The following C1orf21 variants were observed in gnomAD, a reference collection of about 807,000 sequenced individuals.
The protein encoded by C1orf21 is chromosome 1 open reading frame 21, also known as uncharacterized protein C1orf21.
C1orf21 carries 3 observed loss-of-function variants against 18.7 expected under a neutral mutation model. That is an observed-to-expected ratio of 0.16 (90% CI 0.07 to 0.42). C1orf21 has a LOEUF of 0.42. Ranked by LOEUF, C1orf21 falls within the 10% of genes least tolerant of loss-of-function variation. C1orf21 has a pLI of 0.99. For missense variants in C1orf21, 104 were observed against 143.6 expected, an observed-to-expected ratio of 0.72 and a Z score of 1.41; for synonymous variants, 41 against 46.4, an observed-to-expected ratio of 0.88 and a Z score of 0.47.
chr1:184,495,221 G>A (rs375639173), intron 2 of C1orf21, among the ~76,000 whole-genome samples: 17 of 151,986 alleles, frequency 1.1e-4, no homozygotes, highest in East Asian at 9.7e-4. Flanking sequence ...CCTTCCCCCC[G>A]CAACATAGAC....
chr1:184,536,637 G>A (rs1320312841), intron 3 of C1orf21, among the ~76,000 whole-genome samples: 2 of 152,186 alleles, frequency 1.3e-5, no homozygotes, highest in African/African-American at 4.8e-5. Context: ...GCCTGCCATA[G>A]CATGTGAGGT....
intron 1 of C1orf21, among the ~76,000 whole-genome samples, chr1:184,431,777 AAAAC>A (rs1209143896): frequency 2.0e-5 from 3 of 152,198 alleles, no homozygotes; most frequent in East Asian, 1.9e-4. Context: ...TTACAAGAAA[AAAAC>A]AAACAACCTC....
rs933760564 is a variant in C1orf21, at chr1:184,621,310, A to G, written c.*1754A>G. On this transcript the variant is annotated 3_prime_UTR_variant, in exon 6 of 6. Coordinates refer to ENST00000235307, the MANE Select transcript of C1orf21 (RefSeq NM_030806.4). ...GTAATTCTTTTGGCCAACAGCAGCTATTTTGGGGAGCAGCTGTGGCTGTTA... is the reference window on the plus strand; with the variant it reads ...GTAATTCTTTTGGCCAACAGCAGCTGTTTTGGGGAGCAGCTGTGGCTGTTA... 4 of 152,638 alleles carry G rather than the reference A, an allele frequency of 2.6e-5. No homozygotes were observed. Among genetic ancestry groups the G allele is most frequent in the African/African-American group, 9.6e-5 (4 of 41,470 alleles). The allele number at this position is 152,638 out of a possible 1,614,324, so 9.5% of individuals were successfully genotyped here.
chr1:184,475,856 A>G (rs1324203519), intron 1 of C1orf21, among the ~76,000 whole-genome samples: 1 of 152,088 alleles, frequency 6.6e-6, no homozygotes, highest in Non-Finnish European at 1.5e-5. Context: ...AGTATGGGGA[A>G]GATATAAACA....
At chr1:184,535,296 G>T (rs1658535034) in intron 3 of C1orf21, among the ~76,000 whole-genome samples, 1 of 152,182 alleles carries the variant, frequency 6.6e-6, no homozygotes, top group Non-Finnish European at 1.5e-5. Flanking sequence ...GGTTTTAGTT[G>T]TCCTGTGATG....
chr1:184,498,081 C>G (rs1248098263), intron 2 of C1orf21, among the ~76,000 whole-genome samples: 1 of 152,108 alleles, frequency 6.6e-6, no homozygotes, highest in Non-Finnish European at 1.5e-5. Context: ...TTGCTCTTTC[C>G]GATGTCAATC....
intron 1 of C1orf21, among the ~76,000 whole-genome samples, chr1:184,404,983 T>A (rs1571342832): frequency 6.6e-6 from 1 of 152,318 alleles, no homozygotes; most frequent in East Asian, 1.9e-4. Flanking sequence ...CTTTCTTGGC[T>A]AAGCCTGTGC....
At chr1:184,579,248 C>T (rs1254725365) in intron 3 of C1orf21, among the ~76,000 whole-genome samples, 2 of 149,934 alleles carry the variant, frequency 1.3e-5, no homozygotes, top group Admixed American at 1.3e-4. Context: ...GATAGGGTTC[C>T]ACCATGTTAG....
At chr1:184,458,982 T>G (rs1657262698) in intron 1 of C1orf21, among the ~76,000 whole-genome samples, 1 of 152,238 alleles carries the variant, frequency 6.6e-6, no homozygotes, top group African/African-American at 2.4e-5. Flanking sequence ...TGTGTGTCTT[T>G]TCATAAAGCA....
At chr1:184,559,367 A>G (rs1325264550) in intron 3 of C1orf21, among the ~76,000 whole-genome samples, 2 of 151,976 alleles carry the variant, frequency 1.3e-5, no homozygotes, top group Non-Finnish European at 2.9e-5. Flanking sequence ...AGGCCTCCCC[A>G]GAAGCAGATG....
At chr1:184,604,969 A>C (rs1209759556) in intron 5 of C1orf21, among the ~76,000 whole-genome samples, 2 of 152,230 alleles carry the variant, frequency 1.3e-5, no homozygotes, top group African/African-American at 4.8e-5. Context: ...GTCCAAATAA[A>C]AACCACGCCA....
chr1:184,399,772 T>TA (rs1656119760), intron 1 of C1orf21, among the ~76,000 whole-genome samples: 1 of 152,174 alleles, frequency 6.6e-6, no homozygotes, highest in African/African-American at 2.4e-5. Context: ...ACAGGCCCTG[T>TA]AAAAAACATT....
Position 184,461,085 on chromosome 1 carries a change from C to G in C1orf21, c.-124-16301C>G, listed in dbSNP as rs369269729. Among the ~76,000 whole-genome samples, 31 of 152,270 alleles carry G rather than the reference C, an allele frequency of 2.0e-4. No individual in the cohort carries two copies. In the East Asian group the frequency reaches 4.1e-3, roughly 20 times the overall value. The stretch of plus-strand genomic sequence containing the variant: ...TCACTCCTGGGACCCAGGAACACCC[C>G]CTGAGTCTTGCTTAGGACCCCAGAG... On this transcript the variant is annotated intron_variant, in intron 1 of 5. Transcript: ENST00000235307.
chr1:184,467,343 A>G (rs1419283750), intron 1 of C1orf21, among the ~76,000 whole-genome samples: 1 of 152,188 alleles, frequency 6.6e-6, no homozygotes, highest in Non-Finnish European at 1.5e-5. Flanking sequence ...ATAAAAGTGT[A>G]ATAGTTGGAA....
intron 2 of C1orf21, among the ~76,000 whole-genome samples, chr1:184,492,742 G>T (rs1657834015): frequency 6.6e-6 from 1 of 152,192 alleles, no homozygotes; most frequent in Non-Finnish European, 1.5e-5. Context: ...CTGTGCAGCT[G>T]CTGCTAGTCA....
intron 1 of C1orf21, among the ~76,000 whole-genome samples, chr1:184,397,067 C>T (rs753993534): frequency 1.3e-5 from 2 of 151,966 alleles, no homozygotes; most frequent in Admixed American, 1.3e-4. Flanking sequence ...TCTAGGGAAC[C>T]CCCGTGTTTC....
At chr1:184,564,343 C>T (rs1256604551) in intron 3 of C1orf21, among the ~76,000 whole-genome samples, 1 of 152,196 alleles carries the variant, frequency 6.6e-6, no homozygotes, top group South Asian at 2.1e-4. Flanking sequence ...AAGTCTTGCT[C>T]TGATGCCCAG....
chr1:184,598,311 C>T (rs1659544414), intron 4 of C1orf21, 90 bp from the exon 5 acceptor site: 2 of 1,204,484 alleles, frequency 1.7e-6, no homozygotes, highest in East Asian at 2.4e-5. Context: ...AATGTCTTCC[C>T]CAAAGTTTGG....
rs1264781875 is a variant in C1orf21 at position 184,460,737 on chromosome 1, G to A, written c.-124-16649G>A. On this transcript the variant is annotated intron_variant, in intron 1 of 5. Transcript: ENST00000235307. ...CCTTTTTTTTTTTTTTTAAGAAATG[G>A]GGTCTCATTATGTTGCCCAGGCTGG... is the stretch of plus-strand genomic sequence containing the variant. Among the ~76,000 whole-genome samples, 34 of 133,380 alleles carry A rather than the reference G, an allele frequency of 2.5e-4. 1 individual carries two copies. Among genetic ancestry groups the A allele is most frequent in the Non-Finnish European group, 1.6e-5 (1 of 63,452 alleles). The allele number at this position is 133,380 out of a possible 152,430, so 87.5% of individuals were successfully genotyped here.
Sources: allele counts gnomAD v4.1 joint callset (sites outside exome capture counted in the v4.1 genomes callset), GRCh38; gene constraint gnomAD v4.1.1; transcripts MANE v1.5; gene names NCBI Gene and HGNC (gene_info 2026-07-23, HGNC 2026-07-21).